DENND3: variants seen among roughly 807,000 people sequenced by gnomAD.
The protein encoded by DENND3 is DENN domain containing 3.
In DENND3, 88 loss-of-function variants were observed where a neutral mutation model predicts 135.1. The observed-to-expected ratio is 0.65, with a 90% confidence interval of 0.55 to 0.78. The LOEUF is 0.78. DENND3 is among the 30% of genes least tolerant of loss of function. The pLI is 0.00. For missense variants in DENND3, 1,392 were observed against 1,688.4 expected (o/e 0.82, Z 3.08); for synonymous variants, 693 against 712.3 (o/e 0.97, Z 0.43).
chr8:141,151,581 T>A (rs76692939), intron 6 of DENND3, 38 bp from the exon 7 acceptor site: 68 of 1,513,408 alleles, frequency 4.5e-5, no homozygotes, highest in Admixed American at 7.2e-5. Flanking sequence ...TTTTTTTTTT[T>A]AAAAGCATGT....
At chr8:141,134,277 A>ATATTTTT (rs570040506) in intron 1 of DENND3, among the ~76,000 whole-genome samples, 1 of 152,008 alleles carries the variant, frequency 6.6e-6, no homozygotes, top group African/African-American at 2.4e-5. Flanking sequence ...TGGATTTCCC[A>ATATTTTT]TATTTTTTAT....
intron 16 of DENND3, among the ~76,000 whole-genome samples, chr8:141,180,148 T>G (rs1041043482): frequency 6.6e-6 from 1 of 152,240 alleles, no homozygotes; most frequent in Non-Finnish European, 1.5e-5. Flanking sequence ...ACCCCCTCAC[T>G]GCGGAGAGGC....
rs1040920094 is a variant in DENND3, at chr8:141,166,911, G to C, written c.1753+522G>C. 6.6e-6 allele frequency among the ~76,000 whole-genome samples: 1 copy of C among 151,920 alleles called. No individual in the cohort carries two copies. Among genetic ancestry groups the C allele is most frequent in the Admixed American group, 6.5e-5 (1 of 15,274 alleles). ...GCATGGAGAGGCCAAGCCCAGCCTC[G>C]CGCCTTCTTGGGGAGGTACGTCCTG... is the stretch of plus-strand genomic sequence containing the variant. On this transcript the variant is annotated intron_variant, in intron 12 of 22. Transcript: ENST00000519811. The surrounding 1 kb of genome is among the most constrained non-coding windows in gnomAD (Gnocchi z 4.3).
Position 141,166,472 on chromosome 8 carries a change from G to GT in DENND3, c.1753+86dup. The GT allele has an allele frequency of 6.9e-7, 1 of 1,441,304 alleles. No homozygotes were observed. The highest frequency in any genetic ancestry group is 2.3e-5 in the East Asian group (1 of 43,152). 89.3% of individuals were successfully genotyped at this position (1,441,304 alleles called of 1,614,324 possible). On this transcript the variant is annotated intron_variant, in intron 12 of 22. Coordinates refer to ENST00000519811, the MANE Select transcript of DENND3 (RefSeq NM_001352890.3). The surrounding 1 kb of genome is among the most constrained non-coding windows in gnomAD (Gnocchi z 4.3). ...AAGTCATTGAGCAAAACTGGGACTTGTTTCAGGAGAGACGAGTGGGCTTGT... is the reference window on the plus strand; with the variant it reads ...AAGTCATTGAGCAAAACTGGGACTTGTTTTCAGGAGAGACGAGTGGGCTTGT...
rs544235765 is a variant in DENND3 at position 141,154,170 on chromosome 8, C to T, written c.1075-1679C>T. Among the ~76,000 whole-genome samples the T allele has an allele frequency of 2.6e-5, 4 of 152,376 alleles. No homozygotes were observed. The South Asian group carries it at 8.3e-4, about 32-fold the overall frequency. ...ATTTCATGTAGCCACCTGAACTGCA[C>T]TCCAAAGGGCGGGGCCCAGAATGAG... On this transcript the variant is annotated intron_variant, in intron 7 of 22. Coordinates refer to ENST00000519811, the MANE Select transcript of DENND3 (RefSeq NM_001352890.3). The surrounding 1 kb of genome is among the most constrained non-coding windows in gnomAD (Gnocchi z 4.4).
intron 6 of DENND3, 36 bp from the exon 7 acceptor site, chr8:141,151,583 A>T: frequency 6.4e-7 from 1 of 1,573,696 alleles, no homozygotes; most frequent in Non-Finnish European, 8.7e-7. Flanking sequence ...TTTTTTTTTA[A>T]AAGCATGTAC....
chr8:141,179,886 G>A (rs760204740), intron 16 of DENND3, among the ~76,000 whole-genome samples: 6 of 152,220 alleles, frequency 3.9e-5, no homozygotes, highest in Non-Finnish European at 5.9e-5. Flanking sequence ...GCCCTGGACG[G>A]CAGGGACTGA....
At chr8:141,152,894 C>G (rs1026476750) in intron 7 of DENND3, among the ~76,000 whole-genome samples, 3 of 152,188 alleles carry the variant, frequency 2.0e-5, no homozygotes, top group Non-Finnish European at 4.4e-5. Context: ...CTTCTCCTAA[C>G]GTCCGCGCCA....
chr8:141,145,843 A>ATTTTTTTTT (rs1818041179), intron 5 of DENND3, among the ~76,000 whole-genome samples: 1 of 30,810 alleles, frequency 3.2e-5, no homozygotes, highest in African/African-American at 2.4e-4. Flanking sequence ...ATATATATAT[A>ATTTTTTTTT]TATATATGTA....
chr8:141,192,334 C>T lies in DENND3; in HGVS notation c.3383C>T (p.Thr1128Ile), dbSNP rs1488311332. Residue 1128 changes from threonine (T) to isoleucine (I), a missense_variant, in exon 21 of 23, where the codon ACA (threonine) becomes ATA (isoleucine). Physicochemically the swap from Thr to Ile is moderately conservative, Grantham distance 89 (BLOSUM62 -1). Transcript: ENST00000519811. The stretch of plus-strand genomic sequence containing the variant: ...TCCTAGCTCCTTCCTTCCACAGGCA[C>T]AGGTAACAGCATCATGGTCATGAAA... Reference protein sequence around the residue: ...RLHGGRLWCCTGNSIMVMKMN... With the variant: ...RLHGGRLWCCIGNSIMVMKMN... The T allele has an allele frequency of 6.8e-6, 11 of 1,613,922 alleles. No individual in the cohort carries two copies. The African/African-American group carries it at 1.5e-4, about 22-fold the overall frequency.
chr8:141,181,747 C>T (rs906377945), intron 17 of DENND3, among the ~76,000 whole-genome samples: 5 of 150,904 alleles, frequency 3.3e-5, no homozygotes, highest in East Asian at 1.9e-4. Context: ...ATACAGTTCT[C>T]GGCAGAAAAG....
intron 5 of DENND3, among the ~76,000 whole-genome samples, chr8:141,145,838 TATATATATATA>T (rs1569555476): frequency 3.6e-4 from 30 of 82,202 alleles, no homozygotes; most frequent in African/African-American, 2.7e-3. Context: ...TATATATATA[TATATATATATA>T]TGTATTTTTT....
intron 6 of DENND3, among the ~76,000 whole-genome samples, chr8:141,151,296 C>T (rs1818768772): frequency 6.6e-6 from 1 of 152,144 alleles, no homozygotes; most frequent in African/African-American, 2.4e-5. Context: ...TGCGGTGGCT[C>T]ATGCCTGTAA....
chr8:141,168,374 G>T lies in DENND3; in HGVS notation c.2124G>T (p.Pro708=), dbSNP rs201413933. 1 of 1,613,900 alleles carries T rather than the reference G, an allele frequency of 6.2e-7. No individual in the cohort carries two copies. The highest frequency in any genetic ancestry group is 2.2e-5 in the East Asian group (1 of 44,878). The change falls in exon 13 of 23, where the codon CCG becomes CCT. Residue 708 remains proline (P), a synonymous_variant. Coordinates refer to ENST00000519811, the MANE Select transcript of DENND3 (RefSeq NM_001352890.3). The surrounding 1 kb of genome is among the most constrained non-coding windows in gnomAD (Gnocchi z 6.2). ...TCATCAGCGAGATCCTGGACAAGCC[G>T]CACGAGGCCTCGAAGCTGGACGACC... ...MRLISEILDK[P]HEASKLDDHV...
intron 16 of DENND3, among the ~76,000 whole-genome samples, chr8:141,179,450 G>C (rs1303224281): frequency 3.3e-5 from 5 of 152,242 alleles, no homozygotes; most frequent in African/African-American, 1.2e-4. Flanking sequence ...GAGCCGCCAT[G>C]CTGGTGTCAC....
rs1817977469 is a variant in DENND3, at chr8:141,145,822, TATATATATATATATA to T, written c.735+1564_735+1578del. ...TGAATATTATATATATATATATATATATATATATATATATATATATATATATATGTATTTTTTTTT... is the reference window on the plus strand; with the variant it reads ...TGAATATTATATATATATATATATATTATATATATATATGTATTTTTTTTT... On this transcript the variant is annotated intron_variant, in intron 5 of 22. Transcript: ENST00000519811. Among the ~76,000 whole-genome samples, 81 of 33,520 alleles carry T rather than the reference TATATATATATATATA, an allele frequency of 2.4e-3. 1 individual carries two copies. The highest frequency in any genetic ancestry group is 0.012 in the African/African-American group (81 of 6,562). 22.0% of individuals were successfully genotyped at this position (33,520 alleles called of 152,430 possible). A position where few individuals can be genotyped will look rare whatever the true frequency, so the allele number is the denominator to read the frequency against.
Position 141,138,201 on chromosome 8 carries a change from C to T in DENND3, c.501+64C>T. On this transcript the variant is annotated intron_variant, in intron 3 of 22. Coordinates refer to ENST00000519811, the MANE Select transcript of DENND3 (RefSeq NM_001352890.3). The surrounding 1 kb of genome is among the most constrained non-coding windows in gnomAD (Gnocchi z 4.8). ...AGATTTTTTATTATGGTGAAATACA[C>T]ATAACACAACATTCACCATTCTAAC... The T allele has an allele frequency of 7.0e-7, 1 of 1,436,734 alleles. No individual in the cohort carries two copies. Among genetic ancestry groups the T allele is most frequent in the Non-Finnish European group, 9.6e-7 (1 of 1,043,662 alleles). 89.0% of individuals were successfully genotyped at this position (1,436,734 alleles called of 1,614,324 possible). A position where few individuals can be genotyped will look rare whatever the true frequency, so the allele number is the denominator to read the frequency against.
chr8:141,141,417 G>T lies in DENND3; in HGVS notation c.623+93G>T, dbSNP rs1817440561. Reference sequence around the variant, plus strand: ...GGGACCAGGGGGCTGGAGGTGGTGGGGGGGCAGCTCTCTGTTCCTCTCCTG... The same window carrying T: ...GGGACCAGGGGGCTGGAGGTGGTGGTGGGGCAGCTCTCTGTTCCTCTCCTG... On this transcript the variant is annotated intron_variant, in intron 4 of 22. Transcript: ENST00000519811. This position sits in a 1 kb window ranked among gnomAD's most constrained non-coding sequence, Gnocchi z 5.3. The T allele has an allele frequency of 7.5e-6, 11 of 1,470,918 alleles. 1 individual carries two copies. The highest frequency in any genetic ancestry group is 2.8e-5 in the African/African-American group (2 of 71,294). The allele number at this position is 1,470,918 out of a possible 1,614,324, so 91.1% of individuals were successfully genotyped here. A position where few individuals can be genotyped will look rare whatever the true frequency, so the allele number is the denominator to read the frequency against.
chr8:141,178,516 A>C (rs1422858692), intron 16 of DENND3, among the ~76,000 whole-genome samples: 4 of 152,256 alleles, frequency 2.6e-5, no homozygotes, highest in African/African-American at 9.6e-5. Flanking sequence ...GGCTGGCTGA[A>C]GCAGACTAGA....
Sources: gnomAD v4.1 joint callset for allele counts (sites outside exome capture counted in the v4.1 genomes callset) on GRCh38, gnomAD v4.1.1 for gene constraint, Gnocchi (gnomAD v3.1) non-coding constraint, MANE v1.5 for transcripts, NCBI Gene and HGNC (gene_info 2026-07-23, HGNC 2026-07-21) for gene names.